Variants in TLR5 observed in about 807,000 individuals in gnomAD.
TLR5 encodes the protein toll-like receptor 5.
For missense variants in TLR5, 944 were observed against 999.8 expected, an observed-to-expected ratio of 0.94 and a Z score of 0.75; for synonymous variants, 373 against 384.4, an observed-to-expected ratio of 0.97 and a Z score of 0.35.
intron 4 of TLR5, 44 bp from the exon 5 acceptor site, chr1:223,132,683 AT>A (rs1657442781): frequency 6.6e-6 from 1 of 152,388 alleles, no homozygotes; most frequent in African/African-American, 2.4e-5. Flanking sequence ...GAAACAAAAA[AT>A]ATTATGTAGA....
At position 223,111,806 on chromosome 1, in the gene TLR5, A is replaced by G. The variant is rs865913747; in HGVS notation, c.1226T>C (p.Phe409Ser). The change falls in exon 6 of 6, where the codon TTC becomes TCC. Residue 409 changes from phenylalanine (F) to serine (S), a missense_variant. Physicochemically the swap from Phe to Ser is radical, Grantham distance 155. Coordinates refer to ENST00000642603, the MANE Select transcript of TLR5 (RefSeq NM_003268.6). ...IHFIPSIPDI[F>S]LSGNKLVTLP... The stretch of plus-strand genomic sequence containing the variant: ...AGTCACTAGTTTATTGCCACTCAAG[A>G]AGATATCGGGTATGCTTGGAATAAA... The G allele has an allele frequency of 6.2e-7, 1 of 1,614,196 alleles. No homozygotes were observed. The highest frequency in any genetic ancestry group is 8.5e-7 in the Non-Finnish European group (1 of 1,180,036).
At chr1:223,137,139 C>A (rs1423877463) in intron 3 of TLR5, 39 bp downstream of exon 3, 1 of 152,198 alleles carries the variant, frequency 6.6e-6, no homozygotes. Context: ...ACTATTAAAG[C>A]TAGTCCAACC....
intron 5 of TLR5, chr1:223,129,599 A>C (rs1041340977): frequency 6.6e-6 from 1 of 152,318 alleles, no homozygotes; most frequent in African/African-American, 2.4e-5. Context: ...GGGAGGTGTG[A>C]CTGGGCCCCA....
intron 5 of TLR5, among the ~76,000 whole-genome samples, chr1:223,120,948 T>C (rs1353312768): frequency 6.6e-6 from 1 of 152,176 alleles, no homozygotes; most frequent in Non-Finnish European, 1.5e-5. Flanking sequence ...CTGGGCATGG[T>C]GGTGCATACC....
At position 223,110,311 on chromosome 1, in the gene TLR5, C is replaced by T. The variant is rs5744179; in HGVS notation, c.*144G>A. The T allele has an allele frequency of 9.5e-4, 782 of 824,250 alleles. 5 individuals are homozygous for T. The African/African-American group carries it at 0.012, about 12-fold the overall frequency. 51.1% of individuals were successfully genotyped at this position (824,250 alleles called of 1,614,324 possible). On this transcript the variant is annotated 3_prime_UTR_variant, in exon 6 of 6. Transcript: ENST00000642603. ...AGTGAGACAGAACATGGTGTTGATA[C>T]GAAAATTGAGAGATTTATGTTGTTT...
Position 223,112,254 on chromosome 1 carries a change from G to A in TLR5, c.778C>T (p.Leu260Phe). ...ISKSQAFSLILAHHIMGAGFG... is the reference protein window; with the variant it reads ...ISKSQAFSLIFAHHIMGAGFG... Reference sequence around the variant, plus strand: ...CCGGCACCCATGATGTGGTGGGCAAGAATCAAAGAGAAGGCCTGGCTTTTG... The same window carrying A: ...CCGGCACCCATGATGTGGTGGGCAAAAATCAAAGAGAAGGCCTGGCTTTTG... Residue 260 changes from leucine to phenylalanine, a missense_variant, in exon 6 of 6, where the codon CTT becomes TTT. Transcript: ENST00000642603. 1 of 1,614,186 alleles carries A rather than the reference G, an allele frequency of 6.2e-7. No homozygotes were observed. Among genetic ancestry groups the A allele is most frequent in the Non-Finnish European group, 8.5e-7 (1 of 1,180,040 alleles).
intron 5 of TLR5, among the ~76,000 whole-genome samples, chr1:223,130,560 C>T (rs979536877): frequency 6.6e-6 from 1 of 152,182 alleles, no homozygotes; most frequent in Non-Finnish European, 1.5e-5. Context: ...AGATTCAGAA[C>T]AGCCCCACGT....
intron 5 of TLR5, among the ~76,000 whole-genome samples, chr1:223,117,089 C>G (rs1182084939): frequency 6.6e-6 from 1 of 152,142 alleles, no homozygotes; most frequent in Admixed American, 6.5e-5. Context: ...CTGCAGGTCC[C>G]GAGCCCTGCC....
At chr1:223,126,349 G>A (rs1033257293) in intron 5 of TLR5, among the ~76,000 whole-genome samples, 19 of 152,312 alleles carry the variant, frequency 1.2e-4, no homozygotes, top group African/African-American at 4.6e-4. Flanking sequence ...GCTGGGAGGG[G>A]AGGATGGGGA....
At chr1:223,140,310 G>T (rs1396040829) in intron 2 of TLR5, among the ~76,000 whole-genome samples, 2 of 152,180 alleles carry the variant, frequency 1.3e-5, no homozygotes, top group African/African-American at 4.8e-5. Context: ...ACTTTGGGAG[G>T]CCAAGGCAGG....
intron 1 of TLR5, among the ~76,000 whole-genome samples, chr1:223,142,287 A>G (rs906514160): frequency 4.6e-5 from 7 of 152,180 alleles, no homozygotes; most frequent in Admixed American, 4.6e-4. Context: ...TTGCCGTCCA[A>G]ACAGATCATC....
intron 5 of TLR5, among the ~76,000 whole-genome samples, chr1:223,115,071 A>G (rs1300490007): frequency 6.6e-6 from 1 of 152,136 alleles, no homozygotes; most frequent in Non-Finnish European, 1.5e-5. Flanking sequence ...AATCTGGTTT[A>G]TATCATTCCT....
intron 5 of TLR5, among the ~76,000 whole-genome samples, chr1:223,126,639 T>C (rs1657178661): frequency 6.6e-6 from 1 of 152,178 alleles, no homozygotes; most frequent in South Asian, 2.1e-4. Flanking sequence ...TCCCAGTTAC[T>C]CTGAAGCTAG....
intron 5 of TLR5, among the ~76,000 whole-genome samples, chr1:223,116,617 G>A (rs1391992593): frequency 5.9e-5 from 9 of 152,150 alleles, no homozygotes; most frequent in South Asian, 2.1e-4. Context: ...ACTGCTGGCC[G>A]CCGCAGCCTG....
chr1:223,135,914 C>CT (rs978560799), intron 3 of TLR5, among the ~76,000 whole-genome samples: 2 of 152,064 alleles, frequency 1.3e-5, no homozygotes, highest in African/African-American at 2.4e-5. Flanking sequence ...TGAGATTTGA[C>CT]TTTTTTTTCC....
intron 5 of TLR5, among the ~76,000 whole-genome samples, chr1:223,126,380 G>A (rs956224554): frequency 6.6e-6 from 1 of 152,210 alleles, no homozygotes; most frequent in South Asian, 2.1e-4. Context: ...AATGGGCAGA[G>A]TTTCAGTCTG....
chr1:223,141,804 TATATATATATATATATATAGAGAG>T (rs1158654432), intron 1 of TLR5, 41 bp from the exon 2 acceptor site: 62 of 88,134 alleles, frequency 7.0e-4, no homozygotes, highest in Middle Eastern at 5.9e-3. Flanking sequence ...TATATATATA[TATATATATATATATATATAGAGAG>T]AGAGAGAGAG....
At position 223,110,290 on chromosome 1, in the gene TLR5, A is replaced by T; in HGVS notation, c.*165T>A. 2.9e-6 allele frequency: 2 copies of T among 694,364 alleles called. No individual in the cohort carries two copies. Among genetic ancestry groups the T allele is most frequent in the Non-Finnish European group, 4.8e-6 (2 of 416,634 alleles). 43.0% of individuals were successfully genotyped at this position (694,364 alleles called of 1,614,324 possible). A position where few individuals can be genotyped will look rare whatever the true frequency, so the allele number is the denominator to read the frequency against. On this transcript the variant is annotated 3_prime_UTR_variant, in exon 6 of 6. Transcript: ENST00000642603. ...ATTATTTTCCATTTGGAGGTTAGTG[A>T]GACAGAACATGGTGTTGATACGAAA...
At chr1:223,116,593 C>T (rs549414607) in intron 5 of TLR5, among the ~76,000 whole-genome samples, 8 of 152,254 alleles carry the variant, frequency 5.3e-5, no homozygotes, top group South Asian at 4.1e-4. Context: ...GAAAGACGAC[C>T]GCAGTGGGCT....
Sources: gnomAD v4.1 joint callset for allele counts (sites outside exome capture counted in the v4.1 genomes callset) on GRCh38, gnomAD v4.1.1 for gene constraint, MANE v1.5 for transcripts, NCBI Gene and HGNC (gene_info 2026-07-23, HGNC 2026-07-21) for gene names.